Variants in FARP1 observed in about 807,000 individuals in gnomAD.
The protein encoded by FARP1 is FERM, ARHGEF and pleckstrin domain-containing protein 1.
FARP1 carries 52 observed loss-of-function variants against 128.8 expected under a neutral mutation model. That is an observed-to-expected ratio of 0.40 (90% CI 0.32 to 0.51). The LOEUF (loss-of-function observed/expected upper bound fraction) is 0.51, where lower values mean the gene tolerates loss of function less well. Among genes scored for constraint, FARP1 ranks in the 20% least tolerant of loss-of-function variants. The probability of loss-of-function intolerance (pLI) is 0.45; values close to 1 mark genes in which losing one functional copy is unlikely to be tolerated. For synonymous variants in FARP1, 580 were observed against 551.8 expected (o/e 1.05, Z -0.72); for missense variants, 1,333 against 1,367.9 (o/e 0.97, Z 0.40).
chr13:98,386,087 G>GA, intron 8 of FARP1: 2 of 358,818 alleles, frequency 5.6e-6, no homozygotes, highest in Middle Eastern at 8.0e-4. Flanking sequence ...AGCTCTCCAT[G>GA]GACCTACACT....
chr13:98,227,887 A>G (rs1184738123), intron 2 of FARP1, among the ~76,000 whole-genome samples: 1 of 152,236 alleles, frequency 6.6e-6, no homozygotes, highest in Non-Finnish European at 1.5e-5. Context: ...GAAAAATACT[A>G]TATGATTCTA....
intron 2 of FARP1, among the ~76,000 whole-genome samples, chr13:98,239,221 G>A (rs921819255): frequency 5.3e-5 from 8 of 152,162 alleles, no homozygotes; most frequent in South Asian, 2.1e-4. Flanking sequence ...AACAAGTGCC[G>A]GTTTACGCAG....
intron 1 of FARP1, among the ~76,000 whole-genome samples, chr13:98,147,633 G>C (rs1433552711): frequency 6.6e-6 from 1 of 151,670 alleles, no homozygotes. Flanking sequence ...TCAGGATCTA[G>C]TATAGTATCT....
intron 2 of FARP1, chr13:98,338,964 G>C (rs1305491033): frequency 6.6e-6 from 1 of 152,052 alleles, no homozygotes; most frequent in Non-Finnish European, 1.5e-5. Context: ...GCTTTAACCT[G>C]GTGTGCGTTG....
chr13:98,257,933 G>A (rs564181743), intron 2 of FARP1, among the ~76,000 whole-genome samples: 1 of 152,300 alleles, frequency 6.6e-6, no homozygotes, highest in East Asian at 1.9e-4. Context: ...CCATTCCACA[G>A]CGTGTACATC....
At chr13:98,181,616 ATTTATTTATTTATTTATTTATTTATTT>A (rs1878520097) in intron 1 of FARP1, among the ~76,000 whole-genome samples, 1 of 93,222 alleles carries the variant, frequency 1.1e-5, no homozygotes, top group African/African-American at 4.6e-5. Flanking sequence ...TTATTTATTT[ATTTATTTATTTATTTATTTATTTATTT>A]GAGAGAGAGA....
intron 16 of FARP1, among the ~76,000 whole-genome samples, chr13:98,412,650 C>T (rs1891234978): frequency 6.6e-6 from 1 of 152,164 alleles, no homozygotes; most frequent in Non-Finnish European, 1.5e-5. Flanking sequence ...TTATCTTAAG[C>T]CTGTCCATTA....
chr13:98,395,851 C>G (rs1229562565), intron 13 of FARP1: 1 of 400,466 alleles, frequency 2.5e-6, no homozygotes, highest in Admixed American at 4.4e-5. Flanking sequence ...TGGTCACAGC[C>G]CCCTGGCCAC....
At chr13:98,275,640 T>TTTTTTTC (rs1884618442) in intron 2 of FARP1, among the ~76,000 whole-genome samples, 1 of 150,102 alleles carries the variant, frequency 6.7e-6, no homozygotes, top group Non-Finnish European at 1.5e-5. Flanking sequence ...TTTTTTTTTT[T>TTTTTTTC]TTTTTTGCAT....
At chr13:98,347,063 T>C (rs1888207276) in intron 3 of FARP1, among the ~76,000 whole-genome samples, 1 of 152,214 alleles carries the variant, frequency 6.6e-6, no homozygotes, top group African/African-American at 2.4e-5. Flanking sequence ...AGGCCAGTCT[T>C]GCTTGTATGA....
At chr13:98,193,634 C>T (rs1472777016) in intron 1 of FARP1, among the ~76,000 whole-genome samples, 1 of 152,208 alleles carries the variant, frequency 6.6e-6, no homozygotes, top group Admixed American at 6.5e-5. Context: ...ACTCTTTGGG[C>T]ACATTCTTCA....
At chr13:98,344,090 G>A (rs1042415689) in intron 3 of FARP1, among the ~76,000 whole-genome samples, 34 of 152,228 alleles carry the variant, frequency 2.2e-4, no homozygotes, top group African/African-American at 7.7e-4. Context: ...GCTATGTATC[G>A]GCCCTCACAG....
At chr13:98,408,322 CTTTTTT>C (rs34532263) in intron 13 of FARP1, among the ~76,000 whole-genome samples, 5 of 90,164 alleles carry the variant, frequency 5.5e-5, no homozygotes, top group South Asian at 3.8e-4. Context: ...GTAATATATA[CTTTTTT>C]TTTTTTTTTT....
intron 5 of FARP1, among the ~76,000 whole-genome samples, chr13:98,375,209 A>G (rs138380355): frequency 1.5e-4 from 23 of 152,318 alleles, no homozygotes; most frequent in African/African-American, 5.1e-4. Context: ...CATTCTGATT[A>G]TTCTTTTGCC....
At chr13:98,163,061 G>A (rs1230830555) in intron 1 of FARP1, among the ~76,000 whole-genome samples, 3 of 152,032 alleles carry the variant, frequency 2.0e-5, no homozygotes, top group African/African-American at 7.3e-5. Context: ...GAAAACACAT[G>A]GAAGCAACCT....
intron 13 of FARP1, 104 bp downstream of exon 13, chr13:98,395,580 ATCCCGGTCCCGATCCCGG>A: frequency 1.5e-6 from 2 of 1,365,684 alleles, no homozygotes; most frequent in Non-Finnish European, 2.0e-6. Context: ...AAGCGTCCCG[ATCCCGGTCCCGATCCCGG>A]TCCCGGTCCC....
chr13:98,379,125 A>ATATATATAATATATAATC lies in FARP1; in HGVS notation c.496+1223_496+1240dup, dbSNP rs1566935097. Among the ~76,000 whole-genome samples the ATATATATAATATATAATC allele has an allele frequency of 1.5e-4, 8 of 53,358 alleles. 1 individual carries two copies. Among genetic ancestry groups the ATATATATAATATATAATC allele is most frequent in the Non-Finnish European group, 2.0e-4 (7 of 34,352 alleles). 35.0% of individuals were successfully genotyped at this position (53,358 alleles called of 152,430 possible). A position where few individuals can be genotyped will look rare whatever the true frequency, so the allele number is the denominator to read the frequency against. ...ATATAATATATAATCTATATATAAT[A>ATATATATAATATATAATC]TATATATAATATATAATCTATATAT... is the stretch of plus-strand genomic sequence containing the variant. On this transcript the variant is annotated intron_variant, in intron 6 of 26. Transcript: ENST00000319562.
intron 2 of FARP1, among the ~76,000 whole-genome samples, chr13:98,235,656 T>C (rs1882368717): frequency 6.6e-6 from 1 of 152,188 alleles, no homozygotes; most frequent in South Asian, 2.1e-4. Context: ...TATATTCACG[T>C]TGCTATGCAT....
intron 2 of FARP1, among the ~76,000 whole-genome samples, 156 bp downstream of exon 2, chr13:98,213,569 C>T (rs1175229456): frequency 5.9e-5 from 9 of 152,122 alleles, no homozygotes; most frequent in Admixed American, 5.2e-4. Flanking sequence ...CCCGCTGACC[C>T]GTTCTGGTTT....
Sources: gnomAD v4.1 joint callset for allele counts (sites outside exome capture counted in the v4.1 genomes callset) on GRCh38, gnomAD v4.1.1 for gene constraint, MANE v1.5 for transcripts, NCBI Gene and HGNC (gene_info 2026-07-23, HGNC 2026-07-21) for gene names.